The following DPP10 variants were observed in gnomAD, a reference collection of about 807,000 sequenced individuals.
The protein encoded by DPP10 is dipeptidyl peptidase like 10, also known as inactive dipeptidyl peptidase 10.
In DPP10, 33 loss-of-function variants were observed where a neutral mutation model predicts 120.9. The observed-to-expected ratio is 0.27, with a 90% CI of 0.21 to 0.37. The LOEUF (loss-of-function observed/expected upper bound fraction) is 0.37. Among genes scored for constraint, DPP10 ranks in the 10% least tolerant of loss-of-function variants. The probability of loss-of-function intolerance (pLI) is 1.00; values close to 1 mark genes in which losing one functional copy is unlikely to be tolerated. For synonymous variants in DPP10, 337 were observed against 326.1 expected, an observed-to-expected ratio of 1.03 and a Z score of -0.36; for missense variants, 816 against 942.8, an observed-to-expected ratio of 0.87 and a Z score of 1.76.
At chr2:115,674,280 G>A (rs1196962154) in intron 5 of DPP10, among the ~76,000 whole-genome samples, 1 of 150,840 alleles carries the variant, frequency 6.6e-6, no homozygotes. Context: ...AGGAGGAAAG[G>A]AAAATTTGGA....
intron 3 of DPP10, among the ~76,000 whole-genome samples, chr2:115,407,224 G>C (rs745800329): frequency 6.6e-6 from 1 of 152,156 alleles, no homozygotes; most frequent in Non-Finnish European, 1.5e-5. Context: ...AAAAGGGAAG[G>C]CTTCATCTGG....
At chr2:114,930,794 G>A (rs565135210) in intron 1 of DPP10, among the ~76,000 whole-genome samples, 2 of 152,290 alleles carry the variant, frequency 1.3e-5, no homozygotes, top group African/African-American at 4.8e-5. Flanking sequence ...GCTGTTGTTT[G>A]CGGAGATCAC....
chr2:114,873,512 T>A (rs763905783), intron 1 of DPP10, among the ~76,000 whole-genome samples: 1 of 152,138 alleles, frequency 6.6e-6, no homozygotes, highest in Admixed American at 6.6e-5. Flanking sequence ...TGAATAATTA[T>A]GTATCAGGAC....
chr2:114,871,934 G>A (rs189339014), intron 1 of DPP10, among the ~76,000 whole-genome samples: 1 of 152,338 alleles, frequency 6.6e-6, no homozygotes, highest in Non-Finnish European at 1.5e-5. Flanking sequence ...AACTGTGCAT[G>A]TGAAGGATCT....
chr2:115,014,753 A>C (rs955186699), intron 1 of DPP10, among the ~76,000 whole-genome samples: 1 of 152,060 alleles, frequency 6.6e-6, no homozygotes, highest in East Asian at 1.9e-4. Flanking sequence ...GAAATGGATA[A>C]ATTCCTGGAC....
intron 1 of DPP10, among the ~76,000 whole-genome samples, chr2:115,282,178 T>G (rs2105880726): frequency 6.6e-6 from 1 of 152,200 alleles, no homozygotes; most frequent in East Asian, 1.9e-4. Flanking sequence ...TAACTTATTC[T>G]TTAAATAACA....
chr2:115,827,404 ATGTG>A (rs57052168), intron 21 of DPP10, among the ~76,000 whole-genome samples: 36,290 of 103,786 alleles, frequency 0.35, 8,285 homozygotes, highest in Admixed American at 0.52. Context: ...GTGTGTGTGT[ATGTG>A]TGTGTGTATA....
intron 1 of DPP10, among the ~76,000 whole-genome samples, chr2:114,688,970 C>G (rs1330939170): frequency 6.6e-6 from 1 of 151,584 alleles, no homozygotes; most frequent in Admixed American, 6.6e-5. Context: ...CTGCATGTAT[C>G]CCGAGATGTC....
chr2:114,979,064 C>T (rs1008712394), intron 1 of DPP10, among the ~76,000 whole-genome samples: 8 of 152,076 alleles, frequency 5.3e-5, no homozygotes, highest in African/African-American at 1.9e-4. Context: ...TGAGCAATCT[C>T]ACCATATAGT....
intron 5 of DPP10, among the ~76,000 whole-genome samples, chr2:115,635,804 T>G (rs79007306): frequency 0.022 from 3,314 of 152,264 alleles, 117 homozygotes; most frequent in African/African-American, 0.076. Context: ...ATAATAAATA[T>G]GGCTGGAATG....
At chr2:114,748,550 C>A (rs1485453909) in intron 1 of DPP10, among the ~76,000 whole-genome samples, 1 of 91,584 alleles carries the variant, frequency 1.1e-5, no homozygotes, top group Non-Finnish European at 2.1e-5. Flanking sequence ...CTATCCCTCC[C>A]CCCTCCCCCG....
chr2:114,502,084 C>G (rs541842089), intron 1 of DPP10, among the ~76,000 whole-genome samples: 6 of 151,882 alleles, frequency 4.0e-5, no homozygotes, highest in African/African-American at 1.4e-4. Flanking sequence ...TACAGGCACG[C>G]ACCACCACGC....
intron 1 of DPP10, among the ~76,000 whole-genome samples, chr2:115,261,404 G>A (rs925174676): frequency 1.1e-4 from 16 of 152,074 alleles, no homozygotes; most frequent in South Asian, 2.1e-4. Flanking sequence ...GAAGAAATAC[G>A]GTTTAGTGAA....
intron 5 of DPP10, among the ~76,000 whole-genome samples, chr2:115,577,907 C>T (rs1197714830): frequency 6.6e-6 from 1 of 152,170 alleles, no homozygotes; most frequent in African/African-American, 2.4e-5. Flanking sequence ...TTCTGAAAAA[C>T]TGGCTGTTAG....
chr2:114,921,356 C>G (rs1159282183), intron 1 of DPP10, among the ~76,000 whole-genome samples: 1 of 152,114 alleles, frequency 6.6e-6, no homozygotes, highest in Non-Finnish European at 1.5e-5. Flanking sequence ...AAAGAACCAT[C>G]ATACATTTCA....
At chr2:115,630,260 C>G (rs1202339959) in intron 5 of DPP10, among the ~76,000 whole-genome samples, 4 of 152,048 alleles carry the variant, frequency 2.6e-5, no homozygotes, top group Non-Finnish European at 5.9e-5. Flanking sequence ...GATTTTGTAT[C>G]CTGAGACTTT....
At chr2:115,070,625 T>A (rs980319192) in intron 1 of DPP10, among the ~76,000 whole-genome samples, 2 of 152,166 alleles carry the variant, frequency 1.3e-5, no homozygotes, top group Admixed American at 6.5e-5. Flanking sequence ...GTATTGACTA[T>A]CAAACAGCCA....
chr2:115,639,925 A>G (rs944261819), intron 5 of DPP10, among the ~76,000 whole-genome samples: 1 of 151,850 alleles, frequency 6.6e-6, no homozygotes. Context: ...GACCAGATAT[A>G]TAAGTGATTT....
At chr2:115,131,612 T>A (rs2050364270) in intron 1 of DPP10, among the ~76,000 whole-genome samples, 2 of 152,158 alleles carry the variant, frequency 1.3e-5, no homozygotes, top group Admixed American at 6.6e-5. Context: ...AAATTGATTC[T>A]GAATAAAAAA....
Sources: gnomAD v4.1 joint callset for allele counts (sites outside exome capture counted in the v4.1 genomes callset) on GRCh38, gnomAD v4.1.1 for gene constraint, MANE v1.5 for transcripts, NCBI Gene and HGNC (gene_info 2026-07-23, HGNC 2026-07-21) for gene names.